Variants in SDK1 observed in about 807,000 individuals in gnomAD.
SDK1 encodes the protein sidekick cell adhesion molecule 1, also known as protein sidekick-1.
SDK1 carries 157 observed loss-of-function variants against 245.5 expected under a neutral mutation model. The observed-to-expected ratio is 0.64, with a 90% confidence interval of 0.56 to 0.73. SDK1 has a LOEUF of 0.73. SDK1 is among the 30% of genes least tolerant of loss of function. SDK1 has a pLI of 0.00. For synonymous variants in SDK1, 1,647 were observed against 1,278.5 expected (o/e 1.29, Z -6.15); for missense variants, 3,583 against 3,002.3 (o/e 1.19, Z -4.52).
intron 4 of SDK1, among the ~76,000 whole-genome samples, chr7:3,679,605 A>G (rs1473013858): frequency 1.3e-5 from 2 of 152,176 alleles, no homozygotes. Flanking sequence ...ATTAATAGAC[A>G]TTTCATGGAA....
At chr7:3,975,351 C>T (rs193020757) in intron 13 of SDK1, among the ~76,000 whole-genome samples, 16 of 152,358 alleles carry the variant, frequency 1.1e-4, no homozygotes, top group East Asian at 1.9e-4. Flanking sequence ...ACACACCCAG[C>T]GCATCCGTCC....
intron 19 of SDK1, among the ~76,000 whole-genome samples, chr7:4,065,861 C>G (rs943275462): frequency 1.3e-5 from 2 of 151,976 alleles, no homozygotes; most frequent in Non-Finnish European, 2.9e-5. Flanking sequence ...GTAACCAGAA[C>G]AGGGACTTTG....
intron 5 of SDK1, among the ~76,000 whole-genome samples, chr7:3,915,160 G>A (rs1056085272): frequency 3.3e-5 from 5 of 152,212 alleles, no homozygotes; most frequent in East Asian, 1.9e-4. Flanking sequence ...TGCAAATGAC[G>A]TGGTAGGAGC....
At chr7:3,934,476 C>T (rs1780088939) in intron 5 of SDK1, among the ~76,000 whole-genome samples, 2 of 152,236 alleles carry the variant, frequency 1.3e-5, no homozygotes, top group Non-Finnish European at 2.9e-5. Flanking sequence ...ACAAACATCC[C>T]AGAGCTTTCC....
intron 1 of SDK1, among the ~76,000 whole-genome samples, chr7:3,494,485 G>T (rs1168902245): frequency 6.6e-6 from 1 of 152,110 alleles, no homozygotes; most frequent in Non-Finnish European, 1.5e-5. Flanking sequence ...ATTTGTGAAA[G>T]AATTTTTTTT....
Position 4,178,557 on chromosome 7 carries a change from C to A in SDK1, c.5069C>A (p.Ala1690Glu). 6.2e-7 allele frequency: 1 copy of A among 1,613,004 alleles called. No homozygotes were observed. Among genetic ancestry groups the A allele is most frequent in the Non-Finnish European group, 8.5e-7 (1 of 1,179,906 alleles). ...YNIIGESPASAPVEVFVGEAA... is the reference protein window; with the variant it reads ...YNIIGESPASEPVEVFVGEAA... Reference sequence around the variant, plus strand: ...ATCATCGGCGAGAGCCCAGCCAGCGCGCCCGTGGAGGTCTTTGTCGGCGAG... The same window carrying A: ...ATCATCGGCGAGAGCCCAGCCAGCGAGCCCGTGGAGGTCTTTGTCGGCGAG... Residue 1690 changes from alanine to glutamate, a missense_variant, in exon 35 of 45, where the codon GCG becomes GAG. Transcript: ENST00000404826.
At chr7:3,614,656 C>T (rs1781712054) in intron 1 of SDK1, among the ~76,000 whole-genome samples, 1 of 152,178 alleles carries the variant, frequency 6.6e-6, no homozygotes, top group African/African-American at 2.4e-5. Context: ...CCTCTTTTAA[C>T]TTGTTTACCT....
chr7:3,319,049 G>A (rs915441630), intron 1 of SDK1, among the ~76,000 whole-genome samples: 4 of 151,990 alleles, frequency 2.6e-5, no homozygotes, highest in Non-Finnish European at 5.9e-5. Context: ...AGTAGGTGGG[G>A]ATGGGAAGGA....
rs369890274 is a variant in SDK1, at chr7:3,630,670, C to A, written c.459-8334C>A. Among the ~76,000 whole-genome samples, 21 of 152,138 alleles carry A rather than the reference C, an allele frequency of 1.4e-4. 1 individual carries two copies. The highest frequency in any genetic ancestry group is 3.4e-3 in the Middle Eastern group (1 of 292). The stretch of plus-strand genomic sequence containing the variant: ...AAAATTTAAGATAGTACAAAAAAAT[C>A]TGAAGTAAGGATAAATCTGACACAG... On this transcript the variant is annotated intron_variant, in intron 2 of 44. Transcript: ENST00000404826.
intron 4 of SDK1, among the ~76,000 whole-genome samples, chr7:3,798,211 C>CTTTTTTTTTTTTTTTTTTTTTTTTT (rs71029699): frequency 1.9e-5 from 1 of 53,612 alleles, no homozygotes; most frequent in Non-Finnish European, 3.4e-5. Context: ...CCTTGGCACT[C>CTTTTTTTTTTTTTTTTTTTTTTTTT]TTTTTTTTTT....
chr7:4,025,919 C>G (rs186697020), intron 17 of SDK1, among the ~76,000 whole-genome samples: 9 of 152,334 alleles, frequency 5.9e-5, no homozygotes, highest in African/African-American at 1.7e-4. Context: ...TGGGTGCCGC[C>G]CACACTGAGC....
chr7:3,932,159 C>G (rs1405945042), intron 5 of SDK1, among the ~76,000 whole-genome samples: 2 of 152,186 alleles, frequency 1.3e-5, no homozygotes, highest in Non-Finnish European at 2.9e-5. Flanking sequence ...CACCTGCCTT[C>G]CAGTCTATGT....
chr7:3,726,284 T>A (rs2115035625), intron 4 of SDK1, among the ~76,000 whole-genome samples: 1 of 152,360 alleles, frequency 6.6e-6, no homozygotes, highest in South Asian at 2.1e-4. Context: ...AGAGGTATGC[T>A]CACTCAAATC....
At chr7:3,549,104 A>ATATTT (rs1263620500) in intron 1 of SDK1, among the ~76,000 whole-genome samples, 11 of 152,226 alleles carry the variant, frequency 7.2e-5, no homozygotes, top group African/African-American at 2.7e-4. Context: ...TAAGTGCAGC[A>ATATTT]TATTTCCAAA....
chr7:4,264,305 A>G (rs1184570832), intron 44 of SDK1, among the ~76,000 whole-genome samples: 2 of 122,014 alleles, frequency 1.6e-5, no homozygotes, highest in Non-Finnish European at 3.4e-5. Context: ...GAGGCCGTGT[A>G]GACCTCTCCT....
At position 3,561,803 on chromosome 7, in the gene SDK1, C is replaced by T. The variant is rs565896348; in HGVS notation, c.299-57277C>T. 1.1e-3 allele frequency among the ~76,000 whole-genome samples: 174 copies of T among 152,332 alleles called. 2 individuals are homozygous for T. Among genetic ancestry groups the T allele is most frequent in the African/African-American group, 4.0e-3 (168 of 41,584 alleles). On this transcript the variant is annotated intron_variant, in intron 1 of 44. Coordinates refer to ENST00000404826, the MANE Select transcript of SDK1 (RefSeq NM_152744.4). The stretch of plus-strand genomic sequence containing the variant: ...TAACAAGCAAGCTGAATAAATTTCT[C>T]TGAATCTGGATTTAAACAAAATTCA...
chr7:3,681,228 C>G (rs1784089577), intron 4 of SDK1, among the ~76,000 whole-genome samples: 1 of 152,148 alleles, frequency 6.6e-6, no homozygotes, highest in Non-Finnish European at 1.5e-5. Context: ...TAAATGAAAT[C>G]TGACTGTGTG....
At chr7:3,984,272 G>A (rs1391413849) in intron 13 of SDK1, among the ~76,000 whole-genome samples, 4 of 152,094 alleles carry the variant, frequency 2.6e-5, no homozygotes, top group Non-Finnish European at 4.4e-5. Flanking sequence ...AAGCTGCCCC[G>A]TGAGTAGCCT....
chr7:3,705,902 G>C (rs918515897), intron 4 of SDK1, among the ~76,000 whole-genome samples: 5 of 152,104 alleles, frequency 3.3e-5, no homozygotes, highest in African/African-American at 1.2e-4. Flanking sequence ...TGTTGGATGT[G>C]GGTTTGCCAC....
Sources: gnomAD v4.1 joint callset for allele counts (sites outside exome capture counted in the v4.1 genomes callset) on GRCh38, gnomAD v4.1.1 for gene constraint, MANE v1.5 for transcripts, NCBI Gene and HGNC (gene_info 2026-07-23, HGNC 2026-07-21) for gene names.